NPSR1: variants seen among roughly 807,000 people sequenced by gnomAD.
NPSR1 encodes the protein neuropeptide S receptor 1.
NPSR1 carries 48 observed loss-of-function variants against 46.9 expected under a neutral mutation model. That is an observed-to-expected ratio of 1.02 (90% CI 0.81 to 1.30). The LOEUF is 1.30. Among genes scored for constraint, NPSR1 ranks in the 50% most tolerant of loss-of-function variants. The pLI is 0.00. For missense variants in NPSR1, 450 were observed against 449.5 expected (o/e 1.00, Z -0.01); for synonymous variants, 176 against 168.1 (o/e 1.05, Z -0.36).
chr7:34,681,765 AT>A (rs1792650976), intron 1 of NPSR1, among the ~76,000 whole-genome samples: 1 of 152,172 alleles, frequency 6.6e-6, no homozygotes, highest in African/African-American at 2.4e-5. Context: ...CAGGGACCCC[AT>A]ATCACATCAT....
chr7:34,786,391 C>T (rs1473376356), intron 3 of NPSR1, among the ~76,000 whole-genome samples: 1 of 152,090 alleles, frequency 6.6e-6, no homozygotes, highest in Non-Finnish European at 1.5e-5. Flanking sequence ...TTGCTATTTC[C>T]ACCACTTTCG....
intron 1 of NPSR1, 27 bp downstream of exon 1, chr7:34,658,586 C>G: frequency 6.2e-7 from 1 of 1,609,074 alleles, no homozygotes; most frequent in African/African-American, 1.3e-5. Flanking sequence ...CGACTCTGAA[C>G]ACTGACTTAT....
chr7:34,830,292 C>T (rs1349414982), intron 5 of NPSR1, among the ~76,000 whole-genome samples: 1 of 152,168 alleles, frequency 6.6e-6, no homozygotes, highest in Non-Finnish European at 1.5e-5. Flanking sequence ...AAAGTGTTCA[C>T]TCGTGTTCAC....
chr7:34,826,577 A>C (rs1789851340), intron 4 of NPSR1, among the ~76,000 whole-genome samples: 1 of 152,186 alleles, frequency 6.6e-6, no homozygotes, highest in Non-Finnish European at 1.5e-5. Flanking sequence ...TGAGAGTTTC[A>C]ACAACAGCTT....
intron 2 of NPSR1, among the ~76,000 whole-genome samples, chr7:34,713,184 A>G (rs1783388795): frequency 1.3e-5 from 2 of 152,188 alleles, no homozygotes; most frequent in African/African-American, 2.4e-5. Context: ...ACAGAATTTC[A>G]ATTGTCAGAT....
chr7:34,783,363 G>A (rs1314639130), intron 3 of NPSR1, among the ~76,000 whole-genome samples: 1 of 151,936 alleles, frequency 6.6e-6, no homozygotes, highest in Non-Finnish European at 1.5e-5. Context: ...AAAAGGGGAA[G>A]CCCCTTATAA....
At chr7:34,703,309 C>T (rs1400846281) in intron 2 of NPSR1, among the ~76,000 whole-genome samples, 1 of 152,120 alleles carries the variant, frequency 6.6e-6, no homozygotes, top group Non-Finnish European at 1.5e-5. Context: ...AAGCGGAGCT[C>T]GCAGTGAGCC....
chr7:34,845,106 G>A, intron 7 of NPSR1, 124 bp downstream of exon 7: 1 of 718,226 alleles, frequency 1.4e-6, no homozygotes, highest in Admixed American at 2.0e-5. Context: ...TGCTTAGAAA[G>A]GAATGTGTGA....
intron 3 of NPSR1, among the ~76,000 whole-genome samples, chr7:34,808,663 A>G (rs1788828293): frequency 6.6e-6 from 1 of 152,186 alleles, no homozygotes; most frequent in Non-Finnish European, 1.5e-5. Flanking sequence ...GAAGTATGCC[A>G]GGAAGACTAT....
intron 2 of NPSR1, among the ~76,000 whole-genome samples, chr7:34,742,819 T>C (rs1377989439): frequency 6.6e-6 from 1 of 152,148 alleles, no homozygotes; most frequent in Non-Finnish European, 1.5e-5. Flanking sequence ...CCAGCATCTG[T>C]TATTTTTTGA....
intron 2 of NPSR1, among the ~76,000 whole-genome samples, chr7:34,741,816 G>A (rs1784955040): frequency 1.3e-5 from 2 of 152,164 alleles, no homozygotes; most frequent in Non-Finnish European, 2.9e-5. Context: ...GTGACAAGCA[G>A]GCAATTTTAA....
rs557474782 is a variant in NPSR1, at chr7:34,732,027, T to A, written c.281-46435T>A. Among the ~76,000 whole-genome samples, 14 of 140,192 alleles carry A rather than the reference T, an allele frequency of 1.0e-4. No homozygotes were observed. The South Asian group carries it at 2.2e-3, about 22-fold the overall frequency. 92.0% of individuals were successfully genotyped at this position (140,192 alleles called of 152,430 possible). On this transcript the variant is annotated intron_variant, in intron 2 of 8. Coordinates refer to ENST00000360581, the MANE Select transcript of NPSR1 (RefSeq NM_207172.2). Reference sequence around the variant, plus strand: ...GAAACTCTATCTCTACCAAAAAAAATTAGCCAGGCTCCACGGCATTCCAGC... The same window carrying A: ...GAAACTCTATCTCTACCAAAAAAAAATAGCCAGGCTCCACGGCATTCCAGC...
At position 34,734,673 on chromosome 7, in the gene NPSR1, G is replaced by A. The variant is rs568701961; in HGVS notation, c.281-43789G>A. On this transcript the variant is annotated intron_variant, in intron 2 of 8. Transcript: ENST00000360581. ...AAAAAGCACTAAAGGTGCTTGTTCTGAAGGGAGATCTGGATGTTGAAATAG... is the reference window on the plus strand; with the variant it reads ...AAAAAGCACTAAAGGTGCTTGTTCTAAAGGGAGATCTGGATGTTGAAATAG... Among the ~76,000 whole-genome samples the A allele has an allele frequency of 1.2e-4, 19 of 152,342 alleles. No homozygotes were observed. In the South Asian group the frequency reaches 3.5e-3, roughly 28 times the overall value.
intron 2 of NPSR1, among the ~76,000 whole-genome samples, chr7:34,735,207 A>G (rs750524884): frequency 1.3e-5 from 2 of 152,236 alleles, no homozygotes; most frequent in Non-Finnish European, 2.9e-5. Flanking sequence ...TAAAACCTCA[A>G]GAGAGTCTCT....
intron 2 of NPSR1, among the ~76,000 whole-genome samples, chr7:34,707,410 A>T (rs1794164558): frequency 6.6e-6 from 1 of 152,192 alleles, no homozygotes; most frequent in African/African-American, 2.4e-5. Context: ...GCCCATGCAG[A>T]AGGAATGTAG....
Position 34,766,058 on chromosome 7 carries a change from AAAAAG to A in NPSR1, c.281-12394_281-12390del, listed in dbSNP as rs564097138. On this transcript the variant is annotated intron_variant, in intron 2 of 8. Transcript: ENST00000360581. Reference sequence around the variant, plus strand: ...AAATTAAAGTTGAAATCATTTCTAAAAAAAGAAAAGAAAAATGAACAAATTGAAAA... The same window carrying A: ...AAATTAAAGTTGAAATCATTTCTAAAAAAAGAAAAATGAACAAATTGAAAA... Among the ~76,000 whole-genome samples, 1,329 of 152,346 alleles carry A rather than the reference AAAAAG, an allele frequency of 8.7e-3. 5 individuals carry two copies. The highest frequency in any genetic ancestry group is 0.013 in the Non-Finnish European group (896 of 68,036).
chr7:34,839,938 T>C (rs760396834), intron 6 of NPSR1, among the ~76,000 whole-genome samples: 39 of 152,072 alleles, frequency 2.6e-4, no homozygotes, highest in South Asian at 4.2e-4. Context: ...AGGCTGGGAA[T>C]TGTAGTCTAG....
chr7:34,714,118 A>G lies in NPSR1; in HGVS notation c.280+29434A>G, dbSNP rs79022931. ...GCACTGGTGCCAGCTGTCCGCTGGA[A>G]GTCTGGCAAAGATCGCCAGGAAAGT... On this transcript the variant is annotated intron_variant, in intron 2 of 8. Coordinates refer to ENST00000360581, the MANE Select transcript of NPSR1 (RefSeq NM_207172.2). Among the ~76,000 whole-genome samples, 1,108 of 152,362 alleles carry G rather than the reference A, an allele frequency of 7.3e-3. 16 individuals carry two copies. The highest frequency in any genetic ancestry group is 0.025 in the African/African-American group (1,045 of 41,594).
chr7:34,775,702 G>A (rs924243065), intron 2 of NPSR1, among the ~76,000 whole-genome samples: 11 of 151,800 alleles, frequency 7.2e-5, no homozygotes, highest in African/African-American at 2.7e-4. Context: ...TTGATATTTT[G>A]TATTGTTTTC....
Sources: allele counts gnomAD v4.1 joint callset (sites outside exome capture counted in the v4.1 genomes callset), GRCh38; gene constraint gnomAD v4.1.1; transcripts MANE v1.5; gene names NCBI Gene and HGNC (gene_info 2026-07-23, HGNC 2026-07-21).